Variants in FMO5 observed in about 807,000 individuals in gnomAD.
FMO5 encodes flavin-containing monooxygenase 5.
A neutral mutation model predicts 43.6 loss-of-function variants in FMO5; 51 were observed. That is an observed-to-expected ratio of 1.17 (90% CI 0.93 to 1.48). The LOEUF (loss-of-function observed/expected upper bound fraction) is 1.48. FMO5 is among the 40% of genes most tolerant of loss of function. The probability of loss-of-function intolerance (pLI) is 0.00; values close to 1 mark genes in which losing one functional copy is unlikely to be tolerated. For synonymous variants in FMO5, 187 were observed against 216.5 expected (o/e 0.86, Z 1.20); for missense variants, 644 against 643.0 (o/e 1.00, Z -0.02).
At chr1:147,204,223 T>G (rs1659556242) in intron 6 of FMO5, 1 of 1,386,932 alleles carries the variant, frequency 7.2e-7, no homozygotes, top group African/African-American at 1.4e-5. Flanking sequence ...CTGCTATTTT[T>G]GCATCTTTGA....
Position 147,201,258 on chromosome 1 carries a change from A to G in FMO5, c.1077T>C (p.Pro359=). The change falls in exon 7 of 9, where the codon CCT becomes CCC. Residue 359 remains proline (P), a synonymous_variant. Transcript: ENST00000254090. The stretch of plus-strand genomic sequence containing the variant: ...TTGCAAGAGTTGGCCTTTCCAGGTT[A>G]GGAGGGAAGACCTTTTTATACAGGG... The part of the protein sequence containing the change: ...KISLYKKVFP[P]NLERPTLAII... 1.2e-6 allele frequency: 2 copies of G among 1,614,166 alleles called. No individual in the cohort carries two copies. The highest frequency in any genetic ancestry group is 1.7e-4 in the Middle Eastern group (1 of 6,060).
intron 8 of FMO5, among the ~76,000 whole-genome samples, chr1:147,187,501 AAG>A (rs781917734): frequency 1.3e-5 from 2 of 152,184 alleles, no homozygotes; most frequent in Non-Finnish European, 2.9e-5. Flanking sequence ...GGATAGTTAA[AAG>A]AGAGCTGTAA....
chr1:147,214,667 CT>C (rs1553924584), intron 3 of FMO5: 2 of 152,030 alleles, frequency 1.3e-5, no homozygotes, highest in Admixed American at 1.3e-4. Context: ...TCCCTGGAAC[CT>C]GATATTTCAT....
chr1:147,201,302 CT>C lies in FMO5; in HGVS notation c.1032del (p.Val345TrpfsTer25), dbSNP rs781990094. On this transcript the variant is annotated frameshift_variant, in exon 7 of 9. Transcript: ENST00000254090. LOFTEE classifies it high-confidence loss of function. ...FDFPFLEDSVKVVKNKISLYK... is the reference protein window; with the variant it reads ...FDFPFLEDSVXVVKNKISLYK... ...TACAGGGATATCTTGTTTTTGACCACTTTGACGGAATCTTCCAGAAATGGAA... is the reference window on the plus strand; with the variant it reads ...TACAGGGATATCTTGTTTTTGACCACTTGACGGAATCTTCCAGAAATGGAA... 1.2e-6 allele frequency: 2 copies of C among 1,614,192 alleles called. No homozygotes were observed. The highest frequency in any genetic ancestry group is 1.7e-6 in the Non-Finnish European group (2 of 1,180,034).
chr1:147,202,414 GGTTCAA>G (rs587626399), intron 6 of FMO5, among the ~76,000 whole-genome samples: 9 of 142,984 alleles, frequency 6.3e-5, no homozygotes, highest in African/African-American at 2.1e-4. Flanking sequence ...CCACCTCCCA[GGTTCAA>G]GTGATTCTGC....
chr1:147,200,493 G>C (rs1553920638), intron 7 of FMO5, among the ~76,000 whole-genome samples: 1 of 152,068 alleles, frequency 6.6e-6, no homozygotes, highest in Non-Finnish European at 1.5e-5. Flanking sequence ...GAGAACAACA[G>C]TTGTAATGTT....
At chr1:147,190,151 T>C in intron 8 of FMO5, 26 bp downstream of exon 8, 5 of 1,456,718 alleles carry the variant, frequency 3.4e-6, no homozygotes, top group Non-Finnish European at 3.8e-6. Flanking sequence ...AATGTAACCA[T>C]ATATCTTCCT....
chr1:147,185,816 T>C (rs1164668902), downstream of FMO5, among the ~76,000 whole-genome samples: 1 of 152,206 alleles, frequency 6.6e-6, no homozygotes, highest in Non-Finnish European at 1.5e-5. Context: ...CTTCCACAGA[T>C]GAGAAAACAG....
Position 147,186,664 on chromosome 1 carries a change from C to T in FMO5, c.*236G>A. ...AGATGACTAAAAGAGTACCTGAGCTCCCAGTCTAGGGATTACCACAAGGAA... is the reference window on the plus strand; with the variant it reads ...AGATGACTAAAAGAGTACCTGAGCTTCCAGTCTAGGGATTACCACAAGGAA... On this transcript the variant is annotated 3_prime_UTR_variant, in exon 9 of 9. Transcript: ENST00000254090. The T allele has an allele frequency of 3.1e-6, 4 of 1,300,322 alleles. No homozygotes were observed. The highest frequency in any genetic ancestry group is 3.9e-6 in the Non-Finnish European group (4 of 1,024,572). 80.5% of individuals were successfully genotyped at this position (1,300,322 alleles called of 1,614,324 possible).
rs587715716 is a variant in FMO5, at chr1:147,194,322, ATT to A, written c.1184-4075_1184-4074del. Among the ~76,000 whole-genome samples, 27 of 152,150 alleles carry A rather than the reference ATT, an allele frequency of 1.8e-4. No individual in the cohort carries two copies. In the East Asian group the frequency reaches 4.1e-3, roughly 23 times the overall value. ...AAAGTCTGTTTTATCAGAGACTAGGATTGCAACCCCTGCCTTTTTTTGTTTTC... is the reference window on the plus strand; with the variant it reads ...AAAGTCTGTTTTATCAGAGACTAGGAGCAACCCCTGCCTTTTTTTGTTTTC... On this transcript the variant is annotated intron_variant, in intron 7 of 8. Coordinates refer to ENST00000254090, the MANE Select transcript of FMO5 (RefSeq NM_001461.4).
chr1:147,192,547 T>C (rs1657083657), intron 7 of FMO5, among the ~76,000 whole-genome samples: 2 of 151,862 alleles, frequency 1.3e-5, no homozygotes. Flanking sequence ...TCCAACACTC[T>C]GTTGAATAGG....
At chr1:147,192,448 C>T (rs6673153) in intron 7 of FMO5, among the ~76,000 whole-genome samples, 5,611 of 152,148 alleles carry the variant, frequency 0.037, 117 homozygotes, top group African/African-American at 0.047. Flanking sequence ...ACAATCATGT[C>T]GTCTGCAAAC....
intron 7 of FMO5, among the ~76,000 whole-genome samples, chr1:147,200,921 A>C (rs1382898868): frequency 6.6e-6 from 1 of 152,210 alleles, no homozygotes; most frequent in Non-Finnish European, 1.5e-5. Context: ...AAGCATCAGC[A>C]AGGATGGTGT....
chr1:147,213,328 A>G lies in FMO5; in HGVS notation c.467T>C (p.Leu156Pro). The change falls in exon 4 of 9, where the codon CTA (leucine) becomes CCA (proline). Residue 156 changes from leucine to proline, a missense_variant. Transcript: ENST00000254090. Reference protein sequence around the residue: ...VCTGHHTNAHLPLESFPGIEK... With the variant: ...VCTGHHTNAHPPLESFPGIEK... ...CTCACCAGGGAAGCTTTCCAGAGGT[A>G]GATGAGCATTGGTGTGATGGCCAGT... 1 of 1,611,062 alleles carries G rather than the reference A, an allele frequency of 6.2e-7. No individual in the cohort carries two copies. The highest frequency in any genetic ancestry group is 8.5e-7 in the Non-Finnish European group (1 of 1,178,408).
At chr1:147,226,671 CT>C (rs1407279935), upstream of FMO5, among the ~76,000 whole-genome samples, 2 of 152,106 alleles carry the variant, frequency 1.3e-5, no homozygotes, top group African/African-American at 4.8e-5. Context: ...CCTTGCTCTC[CT>C]TCTACCACTC....
intron 8 of FMO5, among the ~76,000 whole-genome samples, chr1:147,188,200 T>C (rs1438922117): frequency 6.6e-6 from 1 of 152,148 alleles, no homozygotes; most frequent in African/African-American, 2.4e-5. Context: ...CATGCATTTA[T>C]TTATCCTATA....
chr1:147,184,531 C>T (rs958144922), downstream of FMO5: 8 of 1,548,134 alleles, frequency 5.2e-6, no homozygotes, highest in Admixed American at 6.0e-5. The surrounding 1 kb of genome is among the most constrained non-coding windows in gnomAD (Gnocchi z 4.4). Context: ...GACAATTTCT[C>T]AGACTTTCTT....
intron 6 of FMO5, among the ~76,000 whole-genome samples, chr1:147,205,731 T>G (rs1042744887): frequency 2.6e-5 from 4 of 152,276 alleles, no homozygotes; most frequent in South Asian, 2.1e-4. Flanking sequence ...AGCTGAAACT[T>G]GATCCCTTCC....
At chr1:147,221,107 C>A (rs1191019590) in intron 2 of FMO5, among the ~76,000 whole-genome samples, 1 of 132,918 alleles carries the variant, frequency 7.5e-6, no homozygotes, top group Non-Finnish European at 1.6e-5. Flanking sequence ...CTACAGCATA[C>A]CTGGCCCCAA....
Sources: gnomAD v4.1 joint callset for allele counts (sites outside exome capture counted in the v4.1 genomes callset) on GRCh38, gnomAD v4.1.1 for gene constraint, Gnocchi (gnomAD v3.1) non-coding constraint, MANE v1.5 for transcripts, NCBI Gene and HGNC (gene_info 2026-07-23, HGNC 2026-07-21) for gene names.